Variants in PAK1 observed in about 807,000 individuals in gnomAD.
PAK1 encodes the protein serine/threonine-protein kinase PAK 1.
Under a neutral mutation model 67.4 loss-of-function variants are expected in PAK1, and 29 were observed. The ratio of observed to expected loss-of-function variants is 0.43; its 90% confidence interval spans 0.32 to 0.59. PAK1 has a LOEUF of 0.59. PAK1 is among the 20% of genes least tolerant of loss of function. The pLI is 0.07. For missense variants in PAK1, 337 were observed against 670.7 expected, an observed-to-expected ratio of 0.50 and a Z score of 5.50; for synonymous variants, 223 against 237.4, an observed-to-expected ratio of 0.94 and a Z score of 0.56.
intron 14 of PAK1, among the ~76,000 whole-genome samples, chr11:77,324,298 G>A (rs555147830): frequency 2.7e-5 from 4 of 149,588 alleles, no homozygotes; most frequent in East Asian, 2.0e-4. Context: ...TCAACCTCCC[G>A]AATAGCTGGG....
the PAK1 span, among the ~76,000 whole-genome samples, chr11:77,505,730 G>A: frequency 2.6e-5 from 4 of 152,182 alleles, no homozygotes; most frequent in African/African-American, 9.7e-5. Flanking sequence ...CATAGGTGTT[G>A]CAGAAATACT....
chr11:77,514,265 G>A, the PAK1 span, among the ~76,000 whole-genome samples: 49 of 152,004 alleles, frequency 3.2e-4, no homozygotes, highest in Non-Finnish European at 4.6e-4. Flanking sequence ...AGGCTGAGGC[G>A]GGTGGATCAC....
intron 1 of PAK1, among the ~76,000 whole-genome samples, chr11:77,435,729 C>T (rs1956100474): frequency 7.3e-6 from 1 of 137,258 alleles, no homozygotes. Context: ...AGGATGGTCT[C>T]AATCTCCTGA....
intron 1 of PAK1, among the ~76,000 whole-genome samples, chr11:77,443,192 G>A (rs749936068): frequency 3.0e-4 from 46 of 151,476 alleles, no homozygotes; most frequent in Non-Finnish European, 5.5e-4. Flanking sequence ...GTGTGGTAGC[G>A]CACGCCTGTA....
chr11:77,336,236 C>T lies in PAK1; in HGVS notation c.1263G>A (p.Arg421=), dbSNP rs1305941390. The change falls in exon 13 of 15, where the codon CGG becomes CGA. Residue 421 remains arginine (R), a synonymous_variant. Transcript: ENST00000356341. ...CAQITPEQSK[R]STMVGTPYWM... ...AGTATGGGGTTCCTACCATGGTGCTCCGTTTGCTCTGCTCTGGGGTTATCT... is the reference window on the plus strand; with the variant it reads ...AGTATGGGGTTCCTACCATGGTGCTTCGTTTGCTCTGCTCTGGGGTTATCT... 1.9e-6 allele frequency: 3 copies of T among 1,613,928 alleles called. No homozygotes were observed. The highest frequency in any genetic ancestry group is 2.5e-6 in the Non-Finnish European group (3 of 1,179,932).
Position 77,344,320 on chromosome 11 carries a change from G to A in PAK1, c.886-389C>T, listed in dbSNP as rs561056595. Among the ~76,000 whole-genome samples, 14 of 152,292 alleles carry A rather than the reference G, an allele frequency of 9.2e-5. 1 individual carries two copies. Among genetic ancestry groups the A allele is most frequent in the African/African-American group, 3.4e-4 (14 of 41,568 alleles). ...ACAGAGGCTCATACAAAATGCTAGC[G>A]AAACATAAAATACGGCAAAAGCCAA... On this transcript the variant is annotated intron_variant, in intron 9 of 14. Transcript: ENST00000356341.
chr11:77,423,621 A>G (rs1012555507), intron 1 of PAK1, among the ~76,000 whole-genome samples: 1 of 152,226 alleles, frequency 6.6e-6, no homozygotes, highest in Admixed American at 6.5e-5. Context: ...TCACTGTCTC[A>G]TTAAGGAAAC....
At chr11:77,332,680 T>A in intron 14 of PAK1, 50 bp downstream of exon 14, 1 of 1,532,630 alleles carries the variant, frequency 6.5e-7, no homozygotes. Flanking sequence ...AAAAAAGGCC[T>A]GGTTTAGTGA....
At chr11:77,447,067 C>A (rs1223974321) in intron 1 of PAK1, among the ~76,000 whole-genome samples, 2 of 152,154 alleles carry the variant, frequency 1.3e-5, no homozygotes, top group Non-Finnish European at 2.9e-5. Flanking sequence ...TTACCCAAAA[C>A]CACACAGAGA....
chr11:77,382,271 A>G (rs1035564862), intron 2 of PAK1, among the ~76,000 whole-genome samples: 1 of 152,222 alleles, frequency 6.6e-6, no homozygotes, highest in African/African-American at 2.4e-5. Flanking sequence ...AGAGAAATGA[A>G]ATCATTTAAT....
chr11:77,492,919 G>C, the PAK1 span, among the ~76,000 whole-genome samples: 2 of 152,072 alleles, frequency 1.3e-5, no homozygotes, highest in Admixed American at 6.6e-5. Flanking sequence ...CATGATTGTA[G>C]GTTTCCTGAA....
chr11:77,484,272 G>A, the PAK1 span, among the ~76,000 whole-genome samples: 1 of 150,642 alleles, frequency 6.6e-6, no homozygotes, highest in East Asian at 2.0e-4. Flanking sequence ...AGAGATCAGA[G>A]ACAAGGTGGG....
chr11:77,487,154 C>T, the PAK1 span, among the ~76,000 whole-genome samples: 1 of 151,944 alleles, frequency 6.6e-6, no homozygotes, highest in South Asian at 2.1e-4. Flanking sequence ...CTGAGGACCC[C>T]ATTCGAGGCC....
intron 6 of PAK1, chr11:77,356,059 C>A: frequency 2.2e-6 from 1 of 456,392 alleles, no homozygotes; most frequent in Non-Finnish European, 3.9e-6. Context: ...AAGTGAGAGT[C>A]TCAGCACTAA....
chr11:77,434,279 C>G (rs139611526), intron 1 of PAK1, among the ~76,000 whole-genome samples: 35 of 152,192 alleles, frequency 2.3e-4, no homozygotes, highest in African/African-American at 7.9e-4. Context: ...TGTGGCATAT[C>G]CATACAACAG....
intron 1 of PAK1, among the ~76,000 whole-genome samples, chr11:77,448,307 T>A (rs565906091): frequency 6.6e-6 from 1 of 152,384 alleles, no homozygotes; most frequent in African/African-American, 2.4e-5. Context: ...TGCGTGGTAC[T>A]TTCCTCTTTT....
At chr11:77,466,282 G>A (rs1054053873) in intron 1 of PAK1, among the ~76,000 whole-genome samples, 3 of 152,166 alleles carry the variant, frequency 2.0e-5, no homozygotes, top group African/African-American at 7.2e-5. Context: ...TAAGTGACTT[G>A]CTGTGGTTAC....
At chr11:77,502,590 C>T in the PAK1 span, among the ~76,000 whole-genome samples, 1 of 152,188 alleles carries the variant, frequency 6.6e-6, no homozygotes, top group East Asian at 1.9e-4. Context: ...TCTTCTCTAA[C>T]CCCACATAGC....
chr11:77,392,442 C>T lies in PAK1; in HGVS notation c.79G>A (p.Gly27Ser), dbSNP rs996658283. ...TTTAGGGTTCCAGCATCTTTGCTGC[C>T]GGCTCCAATCATAGTGCTGGTATTT... ...MRNTSTMIGA[G>S]SKDAGTLNHG... Residue 27 changes from glycine to serine, a missense_variant, in exon 2 of 15, where the codon GGC becomes AGC. Physicochemically the swap from Gly to Ser is moderately conservative, Grantham distance 56. Transcript: ENST00000356341. 1.1e-5 allele frequency: 18 copies of T among 1,613,746 alleles called. No homozygotes were observed. Among genetic ancestry groups the T allele is most frequent in the African/African-American group, 4.0e-5 (3 of 74,864 alleles).
Sources: allele counts gnomAD v4.1 joint callset (sites outside exome capture counted in the v4.1 genomes callset), GRCh38; gene constraint gnomAD v4.1.1; transcripts MANE v1.5; gene names NCBI Gene and HGNC (gene_info 2026-07-23, HGNC 2026-07-21).